Variants in LZTS1 observed in about 807,000 individuals in gnomAD.
LZTS1 encodes the protein leucine zipper putative tumor suppressor 1.
A neutral mutation model predicts 45.8 loss-of-function variants in LZTS1; 31 were observed. The ratio of observed to expected loss-of-function variants is 0.68; its 90% CI spans 0.51 to 0.91. The LOEUF (loss-of-function observed/expected upper bound fraction) is 0.91, where lower values mean the gene tolerates loss of function less well. LZTS1 is among the 40% of genes least tolerant of loss of function. LZTS1 has a pLI of 0.00. For synonymous variants in LZTS1, 359 were observed against 357.3 expected (o/e 1.00, Z -0.05); for missense variants, 821 against 788.9 (o/e 1.04, Z -0.49).
At position 20,296,559 on chromosome 8, in the gene LZTS1, C is replaced by T. The variant is rs983859484; in HGVS notation, c.-135+7181G>A. Among the ~76,000 whole-genome samples, 9 of 146,488 alleles carry T rather than the reference C, an allele frequency of 6.1e-5. No homozygotes were observed. In the South Asian group the frequency reaches 8.9e-4, roughly 14 times the overall value. On this transcript the variant is annotated intron_variant, in intron 1 of 3. Transcript: ENST00000381569. ...CAGGTAGGCAGAGGTGTGGATCTCC[C>T]GGGTCCTGACATCTTGGGAGTCTCT...
chr8:20,287,923 G>A (rs948902115), intron 1 of LZTS1, among the ~76,000 whole-genome samples: 24 of 131,672 alleles, frequency 1.8e-4, no homozygotes, highest in Non-Finnish European at 3.5e-4. Context: ...AAAAAAAAAG[G>A]TTCCTGGCTT....
chr8:20,249,555 T>C lies in LZTS1; in HGVS notation c.*167A>G. The stretch of plus-strand genomic sequence containing the variant: ...TGCAGGGCTGGTGAGCACTGGGACA[T>C]CAGAGAGGGAAGGAAAGGCCATCCT... On this transcript the variant is annotated 3_prime_UTR_variant, in exon 4 of 4. Coordinates refer to ENST00000381569, the MANE Select transcript of LZTS1 (RefSeq NM_021020.5). The C allele has an allele frequency of 1.3e-6, 1 of 790,250 alleles. No homozygotes were observed. Among genetic ancestry groups the C allele is most frequent in the Non-Finnish European group, 2.0e-6 (1 of 511,306 alleles). The allele number at this position is 790,250 out of a possible 1,614,324, so 49.0% of individuals were successfully genotyped here. A position where few individuals can be genotyped will look rare whatever the true frequency, so the allele number is the denominator to read the frequency against.
chr8:20,294,836 G>C (rs1328053545), intron 1 of LZTS1, among the ~76,000 whole-genome samples: 2 of 151,948 alleles, frequency 1.3e-5, no homozygotes, highest in Non-Finnish European at 2.9e-5. Flanking sequence ...CCCCACACAG[G>C]TACCTACAGA....
At chr8:20,274,777 A>G (rs1238700915) in intron 1 of LZTS1, among the ~76,000 whole-genome samples, 1 of 152,184 alleles carries the variant, frequency 6.6e-6, no homozygotes, top group African/African-American at 2.4e-5. Flanking sequence ...TGTCAGTGCT[A>G]AATCACCAGG....
In LZTS1 at chr8:20,254,894, C is replaced by T; in HGVS notation, c.288G>A (p.Val96=). ...TGGGGGGTGTGGACGGGTCAAAGTC[C>T]ACCCCAGCCTGGCCCCCTAAATCCC... The part of the protein sequence containing the change: ...SSGDLGGQAG[V]DFDPSTPPKL... The change falls in exon 2 of 4, where the codon GTG becomes GTA. Residue 96 remains valine, a synonymous_variant. Coordinates refer to ENST00000381569, the MANE Select transcript of LZTS1 (RefSeq NM_021020.5). 2 of 1,614,146 alleles carry T rather than the reference C, an allele frequency of 1.2e-6. No individual in the cohort carries two copies. Among genetic ancestry groups the T allele is most frequent in the Non-Finnish European group, 1.7e-6 (2 of 1,180,012 alleles).
rs1799730078 is a variant in LZTS1, at chr8:20,246,411, G to C, written c.*3311C>G. ...GCAGCACAAAGGCCACCTTGCACAA[G>C]AGGTGGGTGAGCAGCCCCGCTGGCC... On this transcript the variant is annotated 3_prime_UTR_variant, in exon 4 of 4. Transcript: ENST00000381569. The C allele has an allele frequency of 6.6e-6, 1 of 152,368 alleles. No homozygotes were observed. The highest frequency in any genetic ancestry group is 3.4e-3 in the Middle Eastern group (1 of 296). 9.4% of individuals were successfully genotyped at this position (152,368 alleles called of 1,614,324 possible). A position where few individuals can be genotyped will look rare whatever the true frequency, so the allele number is the denominator to read the frequency against.
intron 1 of LZTS1, among the ~76,000 whole-genome samples, chr8:20,293,488 T>C (rs572265867): frequency 2.0e-5 from 3 of 152,332 alleles, no homozygotes; most frequent in African/African-American, 7.2e-5. Context: ...TTCTGTTTTG[T>C]AGAATGATGT....
intron 1 of LZTS1, among the ~76,000 whole-genome samples, chr8:20,298,343 T>C (rs577868436): frequency 2.0e-5 from 3 of 152,166 alleles, no homozygotes; most frequent in African/African-American, 7.2e-5. Flanking sequence ...AATACAGGCA[T>C]GAGCCACCGT....
At chr8:20,261,370 C>T (rs1800224683) in intron 1 of LZTS1, among the ~76,000 whole-genome samples, 1 of 152,150 alleles carries the variant, frequency 6.6e-6, no homozygotes, top group African/African-American at 2.4e-5. Flanking sequence ...AATCTGGCCC[C>T]AGGACCAGTC....
At chr8:20,300,834 G>T (rs1023525564) in intron 1 of LZTS1, among the ~76,000 whole-genome samples, 9 of 152,128 alleles carry the variant, frequency 5.9e-5, no homozygotes, top group Admixed American at 2.6e-4. Context: ...AAAACCCACA[G>T]TGGGGCTGGG....
At chr8:20,282,546 A>C (rs1417125640) in intron 1 of LZTS1, among the ~76,000 whole-genome samples, 1 of 152,222 alleles carries the variant, frequency 6.6e-6, no homozygotes, top group African/African-American at 2.4e-5. Context: ...CTGCTACCTA[A>C]TTGCTTTGAA....
chr8:20,262,396 G>C (rs1037832861), intron 1 of LZTS1, among the ~76,000 whole-genome samples: 18 of 152,348 alleles, frequency 1.2e-4, no homozygotes, highest in Admixed American at 1.1e-3. Flanking sequence ...ATAAAAGCCA[G>C]AGAGACAGGG....
intron 2 of LZTS1, among the ~76,000 whole-genome samples, chr8:20,254,181 C>T (rs570859938): frequency 4.6e-5 from 7 of 152,326 alleles, no homozygotes; most frequent in African/African-American, 1.4e-4. Context: ...TTCATTTCCC[C>T]AGGGCAAGGG....
intron 1 of LZTS1, among the ~76,000 whole-genome samples, chr8:20,260,193 C>A (rs1018288866): frequency 6.6e-6 from 1 of 152,212 alleles, no homozygotes; most frequent in South Asian, 2.1e-4. Context: ...TGAGCCACCA[C>A]ACCCAGTCAT....
chr8:20,263,212 T>C (rs1410847095), intron 1 of LZTS1, among the ~76,000 whole-genome samples: 1 of 152,134 alleles, frequency 6.6e-6, no homozygotes, highest in African/African-American at 2.4e-5. Flanking sequence ...CACGACCGCC[T>C]TGAACTTGGA....
rs1188050956 is a variant in LZTS1, at chr8:20,282,453, C to CATTT, written c.-135+21283_-135+21286dup. On this transcript the variant is annotated intron_variant, in intron 1 of 3. Transcript: ENST00000381569. The stretch of plus-strand genomic sequence containing the variant: ...GGCAGTTGCTACTGAGCACCAGGAG[C>CATTT]ATTTGGTGACCAAAAAAGCATAGGC... 2.6e-5 allele frequency among the ~76,000 whole-genome samples: 4 copies of CATTT among 152,360 alleles called. No individual in the cohort carries two copies. In the East Asian group the frequency reaches 7.7e-4, roughly 29 times the overall value.
intron 1 of LZTS1, among the ~76,000 whole-genome samples, chr8:20,269,251 G>C (rs1238827330): frequency 6.6e-6 from 1 of 152,202 alleles, no homozygotes. Context: ...GCTGGATAAA[G>C]GGAGCCTCTT....
chr8:20,298,058 T>C (rs962759656), intron 1 of LZTS1, among the ~76,000 whole-genome samples: 2 of 152,060 alleles, frequency 1.3e-5, no homozygotes, highest in African/African-American at 4.8e-5. Flanking sequence ...CTTTCTTTTT[T>C]TTTGTTTTTT....
At chr8:20,279,270 C>T (rs1800640844) in intron 1 of LZTS1, among the ~76,000 whole-genome samples, 1 of 152,192 alleles carries the variant, frequency 6.6e-6, no homozygotes, top group Non-Finnish European at 1.5e-5. Context: ...ATCCCCTCTG[C>T]TAGTCTTTGG....
Sources: allele counts gnomAD v4.1 joint callset (sites outside exome capture counted in the v4.1 genomes callset), GRCh38; gene constraint gnomAD v4.1.1; transcripts MANE v1.5; gene names NCBI Gene and HGNC (gene_info 2026-07-23, HGNC 2026-07-21).